Variants in DDC observed in about 807,000 individuals in gnomAD.
The protein encoded by DDC is dopa decarboxylase, also known as aromatic-L-amino-acid decarboxylase.
Under a neutral mutation model 60.0 loss-of-function variants are expected in DDC, and 43 were observed. The ratio of observed to expected loss-of-function variants is 0.72; its 90% CI spans 0.56 to 0.92. The LOEUF is 0.92. Among genes scored for constraint, DDC ranks in the 40% least tolerant of loss-of-function variants. The pLI, the probability that DDC is intolerant of heterozygous loss-of-function variation, is 0.00. For synonymous variants in DDC, 232 were observed against 234.6 expected, an observed-to-expected ratio of 0.99 and a Z score of 0.10; for missense variants, 573 against 620.2, an observed-to-expected ratio of 0.92 and a Z score of 0.81.
intron 1 of DDC, among the ~76,000 whole-genome samples, chr7:50,558,548 C>G (rs146014396): frequency 8.2e-4 from 125 of 152,302 alleles, no homozygotes; most frequent in South Asian, 2.9e-3. Flanking sequence ...CCAAACAAAT[C>G]AGCAGTGCTC....
intron 13 of DDC, among the ~76,000 whole-genome samples, chr7:50,465,958 C>T (rs1345469351): frequency 6.6e-6 from 1 of 152,202 alleles, no homozygotes; most frequent in Non-Finnish European, 1.5e-5. Flanking sequence ...CTTCCAAGGG[C>T]TCAAGTCTCC....
intron 10 of DDC, 138 bp downstream of exon 10, chr7:50,479,649 G>C: frequency 1.2e-6 from 1 of 834,696 alleles, no homozygotes; most frequent in South Asian, 1.4e-5. Context: ...GCAAATCCAG[G>C]AATGCACAGC....
chr7:50,463,498 A>T, intron 13 of DDC, 67 bp from the exon 14 acceptor site: 9 of 1,369,006 alleles, frequency 6.6e-6, no homozygotes, highest in Non-Finnish European at 8.3e-6. Flanking sequence ...CTGGTCATGT[A>T]GGAAAGACAG....
At chr7:50,527,982 C>T (rs1455664480) in intron 6 of DDC, 155 bp downstream of exon 6, 5 of 776,886 alleles carry the variant, frequency 6.4e-6, no homozygotes, top group East Asian at 5.7e-5. Context: ...CTGCAACCTC[C>T]GCCTCCCGGG....
intron 6 of DDC, among the ~76,000 whole-genome samples, chr7:50,519,890 G>A (rs1384398701): frequency 6.6e-6 from 1 of 151,956 alleles, no homozygotes; most frequent in Non-Finnish European, 1.5e-5. Context: ...AACTTATGGG[G>A]GAAAAAAAGT....
At chr7:50,499,043 A>G in intron 8 of DDC, 105 bp downstream of exon 8, 2 of 955,496 alleles carry the variant, frequency 2.1e-6, no homozygotes, top group Non-Finnish European at 3.4e-6. Flanking sequence ...ATTGGCTGAA[A>G]CAAACCTCAA....
intron 12 of DDC, among the ~76,000 whole-genome samples, chr7:50,468,546 C>G (rs1422827372): frequency 6.6e-6 from 1 of 152,188 alleles, no homozygotes; most frequent in Non-Finnish European, 1.5e-5. Flanking sequence ...TCATAGTGCT[C>G]GGCAGCTCCT....
intron 9 of DDC, among the ~76,000 whole-genome samples, chr7:50,491,336 C>T (rs1554419412): frequency 2.0e-5 from 3 of 151,424 alleles, no homozygotes; most frequent in Admixed American, 6.6e-5. Flanking sequence ...GTTTCTCTCT[C>T]TCTTCCTCCA....
intron 9 of DDC, among the ~76,000 whole-genome samples, chr7:50,487,678 T>C (rs61093871): frequency 0.1 from 15,846 of 152,138 alleles, 867 homozygotes; most frequent in African/African-American, 0.14. Flanking sequence ...CAAATTGGCT[T>C]AAAAATAAAG....
intron 4 of DDC, among the ~76,000 whole-genome samples, chr7:50,537,088 T>C (rs2044441305): frequency 6.6e-6 from 1 of 151,412 alleles, no homozygotes; most frequent in South Asian, 2.1e-4. Context: ...CCAGTGCCAT[T>C]TGTCCTGCAA....
chr7:50,536,931 A>G (rs1198661068), intron 4 of DDC, among the ~76,000 whole-genome samples: 1 of 152,130 alleles, frequency 6.6e-6, no homozygotes, highest in Non-Finnish European at 1.5e-5. Flanking sequence ...CTTTTTCCCA[A>G]AGTTAACAAT....
At chr7:50,479,700 T>C (rs981957907) in intron 10 of DDC, 87 bp downstream of exon 10, 3 of 1,137,624 alleles carry the variant, frequency 2.6e-6, no homozygotes, top group African/African-American at 3.0e-5. Context: ...ATATGGATGG[T>C]CTTCCCCTAA....
At chr7:50,538,945 G>A (rs1381709981) in intron 3 of DDC, among the ~76,000 whole-genome samples, 1 of 152,034 alleles carries the variant, frequency 6.6e-6, no homozygotes, top group Non-Finnish European at 1.5e-5. Flanking sequence ...CCCATCTGTG[G>A]GCTCTTCAGC....
At chr7:50,491,030 T>C (rs2042987892) in intron 9 of DDC, among the ~76,000 whole-genome samples, 1 of 152,214 alleles carries the variant, frequency 6.6e-6, no homozygotes, top group Non-Finnish European at 1.5e-5. Flanking sequence ...CAATTTGGGC[T>C]GAATTCTAAA....
At chr7:50,540,492 A>G (rs554363359) in intron 2 of DDC, among the ~76,000 whole-genome samples, 54 of 68,422 alleles carry the variant, frequency 7.9e-4, no homozygotes, top group Admixed American at 3.8e-3. Flanking sequence ...ACAAACAAAC[A>G]AACAAAAAAA....
chr7:50,497,604 G>C (rs187691834), intron 8 of DDC, among the ~76,000 whole-genome samples: 34 of 152,242 alleles, frequency 2.2e-4, no homozygotes, highest in Admixed American at 2.2e-3. Flanking sequence ...TTTACTCTTC[G>C]TTTCCCAGCA....
At chr7:50,480,068 T>C (rs1252725845) in intron 9 of DDC, 1 of 586,622 alleles carries the variant, frequency 1.7e-6, no homozygotes, top group Non-Finnish European at 3.0e-6. Context: ...TTGTTACCAG[T>C]TCCTGGCACA....
intron 7 of DDC, among the ~76,000 whole-genome samples, chr7:50,503,337 C>A (rs1209000810): frequency 2.6e-5 from 4 of 152,210 alleles, no homozygotes; most frequent in African/African-American, 9.6e-5. Context: ...TGCTGAGTTC[C>A]CAGAGCTACA....
chr7:50,529,403 C>T (rs1053835653), intron 4 of DDC, 61 bp from the exon 5 acceptor site: 5 of 1,579,274 alleles, frequency 3.2e-6, no homozygotes, highest in Non-Finnish European at 3.5e-6. Context: ...GGTACCTACA[C>T]TATTGGAAGA....
Sources: allele counts gnomAD v4.1 joint callset (sites outside exome capture counted in the v4.1 genomes callset), GRCh38; gene constraint gnomAD v4.1.1; transcripts MANE v1.5; gene names NCBI Gene and HGNC (gene_info 2026-07-23, HGNC 2026-07-21).